ACOX1: variants seen among roughly 807,000 people sequenced by gnomAD.
The protein encoded by ACOX1 is acyl-CoA oxidase 1.
Under a neutral mutation model 75.5 loss-of-function variants are expected in ACOX1, and 41 were observed. The ratio of observed to expected loss-of-function variants is 0.54; its 90% CI spans 0.42 to 0.70. ACOX1 has a LOEUF of 0.70. Among genes scored for constraint, ACOX1 ranks in the 30% least tolerant of loss-of-function variants. The pLI, the probability that ACOX1 is intolerant of heterozygous loss-of-function variation, is 0.00. For missense variants in ACOX1, 630 were observed against 837.5 expected (o/e 0.75, Z 3.06); for synonymous variants, 303 against 298.8 (o/e 1.01, Z -0.15).
Position 75,978,644 on chromosome 17 carries a change from G to A in ACOX1, c.159C>T (p.Phe53=), listed in dbSNP as rs2066081759. The A allele has an allele frequency of 1.2e-6, 2 of 1,614,218 alleles. No homozygotes were observed. Among genetic ancestry groups the A allele is most frequent in the East Asian group, 4.5e-5 (2 of 44,886 alleles). The change falls in exon 2 of 14, where the codon TTC becomes TTT. Residue 53 remains phenylalanine (F), a synonymous_variant. Coordinates refer to ENST00000293217, the MANE Select transcript of ACOX1 (RefSeq NM_004035.7). The surrounding 1 kb of genome is among the most constrained non-coding windows in gnomAD (Gnocchi z 4.2). ...DPDFQHEDLN[F]LTRSQRYEVA... is the part of the protein sequence containing the mutation. ...CCTCATAACGCTGGCTGCGAGTGAG[G>A]AAGTTCAAGTCCTCATGCTGGAAGT...
chr17:75,953,734 A>G, intron 6 of ACOX1, 114 bp from the exon 7 acceptor site: 1 of 1,232,516 alleles, frequency 8.1e-7, no homozygotes, highest in Non-Finnish European at 1.2e-6. Flanking sequence ...GGCAACTTGC[A>G]TGAAATACTA....
chr17:75,971,038 T>A (rs2065988582), intron 2 of ACOX1, among the ~76,000 whole-genome samples: 1 of 152,166 alleles, frequency 6.6e-6, no homozygotes, highest in Non-Finnish European at 1.5e-5. Context: ...ACGCCTATAA[T>A]CCCAGCACTT....
In ACOX1 at chr17:75,945,132, C is replaced by A. The variant is rs1598170148; in HGVS notation, c.*1616G>T. Reference sequence around the variant, plus strand: ...GATCTCCTCAAACCTGCAAAGACATCCCATCTATGCAACTGGATTGGGGGG... The same window carrying A: ...GATCTCCTCAAACCTGCAAAGACATACCATCTATGCAACTGGATTGGGGGG... On this transcript the variant is annotated 3_prime_UTR_variant, in exon 14 of 14. Transcript: ENST00000293217. The A allele has an allele frequency of 1.3e-5, 2 of 152,138 alleles. No homozygotes were observed. The highest frequency in any genetic ancestry group is 2.4e-5 in the African/African-American group (1 of 41,444). 9.4% of individuals were successfully genotyped at this position (152,138 alleles called of 1,614,324 possible). A position where few individuals can be genotyped will look rare whatever the true frequency, so the allele number is the denominator to read the frequency against.
rs767004711 is a variant in ACOX1, at chr17:75,949,275, C to T, written c.1670G>A (p.Ser557Asn). The change falls in exon 12 of 14, where the codon AGT becomes AAT. Residue 557 changes from serine (S) to asparagine (N), a missense_variant. Ser to Asn is a conservative substitution (Grantham distance 46). Transcript: ENST00000293217. ...ATACAGAGAATACAGCAGACATAAACTCCTTAAGACAGCTTGAATGGCTTT... is the reference window on the plus strand; with the variant it reads ...ATACAGAGAATACAGCAGACATAAATTCCTTAAGACAGCTTGAATGGCTTT... The part of the protein sequence containing the change: ...QDKAIQAVLR[S>N]LCLLYSLYGI... The T allele has an allele frequency of 6.2e-7, 1 of 1,614,208 alleles. No individual in the cohort carries two copies. Among genetic ancestry groups the T allele is most frequent in the Non-Finnish European group, 8.5e-7 (1 of 1,180,028 alleles).
chr17:75,947,319 C>T (rs895604976), intron 13 of ACOX1, among the ~76,000 whole-genome samples: 1 of 150,514 alleles, frequency 6.6e-6, no homozygotes, highest in African/African-American at 2.5e-5. Flanking sequence ...ATGGTCTCGG[C>T]TCACCGCAAC....
chr17:75,950,263 T>C lies in ACOX1; in HGVS notation c.1299-366A>G, dbSNP rs1052090851. On this transcript the variant is annotated intron_variant, in intron 9 of 13. Transcript: ENST00000293217. This position sits in a 1 kb window ranked among gnomAD's most constrained non-coding sequence, Gnocchi z 4.3. The stretch of plus-strand genomic sequence containing the variant: ...CCACCACACCTGGCCTTTTTTTTTT[T>C]GATGGAGTTTTCGCTCTTGTTGCCC... Among the ~76,000 whole-genome samples, 1 of 150,976 alleles carries C rather than the reference T, an allele frequency of 6.6e-6. No homozygotes were observed. The highest frequency in any genetic ancestry group is 2.4e-5 in the African/African-American group (1 of 40,918).
intron 13 of ACOX1, among the ~76,000 whole-genome samples, chr17:75,947,252 T>TG (rs918692837): frequency 4.6e-5 from 7 of 151,404 alleles, no homozygotes; most frequent in Non-Finnish European, 8.8e-5. Flanking sequence ...GTCTTAGTTT[T>TG]TTTTTTTTTT....
intron 3 of ACOX1, among the ~76,000 whole-genome samples, chr17:75,958,614 C>T (rs1367417771): frequency 4.6e-5 from 7 of 151,894 alleles, no homozygotes; most frequent in South Asian, 2.1e-4. Flanking sequence ...CGAGACCATC[C>T]TGGTTAACAC....
At chr17:75,955,970 G>A (rs776293303) in intron 4 of ACOX1, 23 bp from the exon 5 acceptor site, 1 of 1,613,774 alleles carries the variant, frequency 6.2e-7, no homozygotes, top group Non-Finnish European at 8.5e-7. Context: ...AGAGAACAAG[G>A]GAGGGGTGGG....
intron 6 of ACOX1, among the ~76,000 whole-genome samples, chr17:75,954,829 C>G (rs2065809279): frequency 6.6e-6 from 1 of 151,902 alleles, no homozygotes; most frequent in African/African-American, 2.4e-5. Flanking sequence ...CTTGGCCTCC[C>G]AAAGTGCTGG....
intron 6 of ACOX1, 119 bp from the exon 7 acceptor site, chr17:75,953,739 A>C (rs191783990): frequency 3.0e-5 from 36 of 1,200,632 alleles, no homozygotes; most frequent in South Asian, 3.8e-5. Context: ...CTTGCATGAA[A>C]TACTACATCT....
In ACOX1 at chr17:75,944,223, C is replaced by T. The variant is rs1322397217; in HGVS notation, c.*2525G>A. Reference sequence around the variant, plus strand: ...CACTCCAGTCTGGGTGACAGTGATACCCTGTCTCAAAAAGATAAAAATAAA... The same window carrying T: ...CACTCCAGTCTGGGTGACAGTGATATCCTGTCTCAAAAAGATAAAAATAAA... On this transcript the variant is annotated 3_prime_UTR_variant, in exon 14 of 14. Transcript: ENST00000293217. The T allele has an allele frequency of 6.6e-6, 1 of 152,108 alleles. No homozygotes were observed. Among genetic ancestry groups the T allele is most frequent in the Non-Finnish European group, 1.5e-5 (1 of 68,024 alleles). The allele number at this position is 152,108 out of a possible 1,614,324, so 9.4% of individuals were successfully genotyped here. A position where few individuals can be genotyped will look rare whatever the true frequency, so the allele number is the denominator to read the frequency against.
rs1342349266 is a variant in ACOX1 at position 75,950,244 on chromosome 17, C to T, written c.1299-347G>A. On this transcript the variant is annotated intron_variant, in intron 9 of 13. Transcript: ENST00000293217. This position sits in a 1 kb window ranked among gnomAD's most constrained non-coding sequence, Gnocchi z 4.3. ...CTGGGATTACAGGAGTAAGCCACCA[C>T]ACCTGGCCTTTTTTTTTTTGATGGA... 6.7e-6 allele frequency among the ~76,000 whole-genome samples: 1 copy of T among 149,364 alleles called. No homozygotes were observed. The highest frequency in any genetic ancestry group is 2.5e-5 in the African/African-American group (1 of 39,670).
chr17:75,977,611 G>T (rs1242097111), intron 2 of ACOX1, among the ~76,000 whole-genome samples: 1 of 152,062 alleles, frequency 6.6e-6, no homozygotes. Flanking sequence ...CACATGGTCT[G>T]AAAAAAGGAT....
At chr17:75,955,530 T>C in intron 6 of ACOX1, 36 bp downstream of exon 6, 1 of 1,568,228 alleles carries the variant, frequency 6.4e-7, no homozygotes, top group Non-Finnish European at 8.8e-7. Flanking sequence ...AACTCCACTG[T>C]TTGATGCCTC....
intron 2 of ACOX1, among the ~76,000 whole-genome samples, chr17:75,975,278 C>T (rs1445391302): frequency 2.0e-5 from 3 of 151,904 alleles, no homozygotes; most frequent in Admixed American, 2.0e-4. Flanking sequence ...CATGCCTCAG[C>T]CTCCCAAGTA....
intron 2 of ACOX1, among the ~76,000 whole-genome samples, chr17:75,975,070 A>AG (rs557223531): frequency 0.012 from 1,731 of 144,126 alleles, 13 homozygotes; most frequent in East Asian, 0.054. Flanking sequence ...AAAAAAAAAA[A>AG]AAAGAAAGAA....
rs1346704142 is a variant in ACOX1, at chr17:75,951,487, G to A, written c.1035C>T (p.Gly345=). The change falls in exon 8 of 14, where the codon GGC becomes GGT. Residue 345 remains glycine, a synonymous_variant. Coordinates refer to ENST00000293217, the MANE Select transcript of ACOX1 (RefSeq NM_004035.7). ...LATAYAFQFV[G]AYMKETYHRI... Reference sequence around the variant, plus strand: ...GGTGATAGGTCTCCTTCATGTATGCGCCCACAAACTGGAAGGCATAGGCAG... The same window carrying A: ...GGTGATAGGTCTCCTTCATGTATGCACCCACAAACTGGAAGGCATAGGCAG... The A allele has an allele frequency of 5.6e-6, 9 of 1,613,946 alleles. No homozygotes were observed. The highest frequency in any genetic ancestry group is 3.3e-5 in the Admixed American group (2 of 59,976).
chr17:75,958,611 A>T (rs973704291), intron 3 of ACOX1, among the ~76,000 whole-genome samples: 6 of 151,808 alleles, frequency 4.0e-5, no homozygotes, highest in Non-Finnish European at 1.5e-5. Context: ...GATCGAGACC[A>T]TCCTGGTTAA....
Sources: allele counts gnomAD v4.1 joint callset (sites outside exome capture counted in the v4.1 genomes callset), GRCh38; gene constraint gnomAD v4.1.1; non-coding constraint Gnocchi (gnomAD v3.1); transcripts MANE v1.5; gene names NCBI Gene and HGNC (gene_info 2026-07-23, HGNC 2026-07-21).